WDR70: variants seen among roughly 807,000 people sequenced by gnomAD.
WDR70 encodes WD repeat domain 70.
WDR70 carries 53 observed loss-of-function variants against 88.6 expected under a neutral mutation model. The observed-to-expected ratio is 0.60, with a 90% CI of 0.48 to 0.75. WDR70 has a LOEUF of 0.75. WDR70 is among the 30% of genes least tolerant of loss of function. WDR70 has a pLI of 0.00. For synonymous variants in WDR70, 280 were observed against 270.0 expected, an observed-to-expected ratio of 1.04 and a Z score of -0.36; for missense variants, 610 against 823.2, an observed-to-expected ratio of 0.74 and a Z score of 3.17.
intron 10 of WDR70, among the ~76,000 whole-genome samples, chr5:37,665,019 G>A (rs1042646805): frequency 1.3e-5 from 2 of 152,164 alleles, no homozygotes; most frequent in African/African-American, 4.8e-5. Context: ...TAGGTCTTTT[G>A]TTCATATTGT....
intron 5 of WDR70, among the ~76,000 whole-genome samples, chr5:37,412,680 G>A (rs1749562696): frequency 6.6e-6 from 1 of 152,148 alleles, no homozygotes; most frequent in Admixed American, 6.5e-5. Context: ...TTCTGTGGTG[G>A]GGAGTCCAAG....
chr5:37,483,183 G>A (rs1251100827), intron 8 of WDR70, among the ~76,000 whole-genome samples: 1 of 150,920 alleles, frequency 6.6e-6, no homozygotes, highest in Non-Finnish European at 1.5e-5. Flanking sequence ...GACAATAGTG[G>A]AGGGAAGATC....
intron 9 of WDR70, among the ~76,000 whole-genome samples, chr5:37,591,099 G>A (rs929325707): frequency 8.5e-5 from 13 of 152,118 alleles, no homozygotes; most frequent in Admixed American, 6.5e-4. Context: ...CTGGGAGGCC[G>A]AGGTGGGTGG....
chr5:37,564,575 G>GAGGAGGGAGAGGGAA (rs1335989230), intron 9 of WDR70, among the ~76,000 whole-genome samples: 1 of 147,320 alleles, frequency 6.8e-6, no homozygotes, highest in Non-Finnish European at 1.5e-5. Flanking sequence ...GGGAGAGGGA[G>GAGGAGGGAGAGGGAA]AGGAGGGAGA....
At chr5:37,389,633 C>T (rs1355982428) in intron 3 of WDR70, among the ~76,000 whole-genome samples, 2 of 152,144 alleles carry the variant, frequency 1.3e-5, no homozygotes. Flanking sequence ...AAGATGGTCT[C>T]AATCTCCTGA....
chr5:37,652,725 G>A (rs1457604711), intron 10 of WDR70, among the ~76,000 whole-genome samples: 1 of 152,180 alleles, frequency 6.6e-6, no homozygotes, highest in Non-Finnish European at 1.5e-5. Context: ...GTTCACTCAT[G>A]ATTTGGCTCT....
intron 9 of WDR70, among the ~76,000 whole-genome samples, chr5:37,554,748 C>T (rs866977383): frequency 2.6e-5 from 4 of 151,726 alleles, no homozygotes; most frequent in Admixed American, 6.6e-5. Flanking sequence ...CAGGCTGGAG[C>T]GCAGTGGTTA....
At chr5:37,431,205 G>A (rs1750293301) in intron 5 of WDR70, among the ~76,000 whole-genome samples, 1 of 152,102 alleles carries the variant, frequency 6.6e-6, no homozygotes, top group Non-Finnish European at 1.5e-5. Context: ...CATGAAGGCA[G>A]GAACCTTCTT....
chr5:37,628,269 A>G (rs1744720969), intron 10 of WDR70, among the ~76,000 whole-genome samples: 1 of 152,112 alleles, frequency 6.6e-6, no homozygotes, highest in Non-Finnish European at 1.5e-5. Flanking sequence ...TTCTGCCTAC[A>G]TGACCTTTCC....
chr5:37,713,810 C>T (rs1747582505), intron 13 of WDR70, among the ~76,000 whole-genome samples: 1 of 152,188 alleles, frequency 6.6e-6, no homozygotes, highest in African/African-American at 2.4e-5. Context: ...CACTGATGGA[C>T]CAAGTGAAGG....
At chr5:37,576,223 C>T (rs1475194310) in intron 9 of WDR70, among the ~76,000 whole-genome samples, 1 of 150,458 alleles carries the variant, frequency 6.6e-6, no homozygotes, top group African/African-American at 2.4e-5. Flanking sequence ...TGGCTCCTTC[C>T]TACCTCACTG....
chr5:37,427,331 C>T (rs1035690831), intron 5 of WDR70, among the ~76,000 whole-genome samples: 1 of 151,664 alleles, frequency 6.6e-6, no homozygotes, highest in South Asian at 2.1e-4. Flanking sequence ...GGAGCTTGCA[C>T]TGAGCGGAGA....
chr5:37,608,676 G>C (rs1292623522), intron 10 of WDR70, among the ~76,000 whole-genome samples: 1 of 151,880 alleles, frequency 6.6e-6, no homozygotes, highest in Admixed American at 6.6e-5. Flanking sequence ...TTCTGCTTCA[G>C]CCTCTCGAGT....
chr5:37,575,248 A>C (rs1214224137), intron 9 of WDR70, among the ~76,000 whole-genome samples: 2 of 152,204 alleles, frequency 1.3e-5, no homozygotes, highest in Non-Finnish European at 2.9e-5. Flanking sequence ...ATTTGGTCTC[A>C]GTCCCCAGTT....
At chr5:37,725,695 G>T (rs149709522) in intron 16 of WDR70, among the ~76,000 whole-genome samples, 1 of 151,708 alleles carries the variant, frequency 6.6e-6, no homozygotes, top group East Asian at 1.9e-4. Context: ...TTCTAACACC[G>T]TCCTAACTAA....
At position 37,391,516 on chromosome 5, in the gene WDR70, T is replaced by G. The variant is rs1050490406; in HGVS notation, c.176-484T>G. On this transcript the variant is annotated intron_variant, in intron 3 of 17. Coordinates refer to ENST00000265107, the MANE Select transcript of WDR70 (RefSeq NM_018034.4). ...TAAGTGGCATTATACAATATTCGTCTTTTTGTTTTTCTGTGAGTGGTCTGT... is the reference window on the plus strand; with the variant it reads ...TAAGTGGCATTATACAATATTCGTCGTTTTGTTTTTCTGTGAGTGGTCTGT... Among the ~76,000 whole-genome samples the G allele has an allele frequency of 4.6e-5, 7 of 152,354 alleles. No homozygotes were observed. The South Asian group carries it at 1.2e-3, about 27-fold the overall frequency.
intron 7 of WDR70, among the ~76,000 whole-genome samples, chr5:37,466,705 CAAAAAAAAAAAAAAA>C (rs796359494): frequency 1.5e-5 from 1 of 65,530 alleles, no homozygotes; most frequent in Non-Finnish European, 2.6e-5. Flanking sequence ...GACTCCATCT[CAAAAAAAAAAAAAAA>C]AAAAAAAAAA....
rs1015112320 is a variant in WDR70, at chr5:37,396,695, T to C, written c.492+125T>C. 6 of 1,405,110 alleles carry C rather than the reference T, an allele frequency of 4.3e-6. No individual in the cohort carries two copies. The Admixed American group carries it at 1.7e-4, about 40-fold the overall frequency. 87.0% of individuals were successfully genotyped at this position (1,405,110 alleles called of 1,614,324 possible). Reference sequence around the variant, plus strand: ...AAAACTGAGGAAAGGCCGGGCATGGTGGCTTAACACCTGTAATCCCAGTTA... The same window carrying C: ...AAAACTGAGGAAAGGCCGGGCATGGCGGCTTAACACCTGTAATCCCAGTTA... On this transcript the variant is annotated intron_variant, in intron 5 of 17. Transcript: ENST00000265107.
chr5:37,410,190 TTAG>T (rs1246972736), intron 5 of WDR70, among the ~76,000 whole-genome samples: 1 of 149,280 alleles, frequency 6.7e-6, no homozygotes, highest in East Asian at 1.9e-4. Flanking sequence ...TTGGAGTTTG[TTAG>T]TTTTTTTTTT....
Sources: gnomAD v4.1 joint callset for allele counts (sites outside exome capture counted in the v4.1 genomes callset) on GRCh38, gnomAD v4.1.1 for gene constraint, MANE v1.5 for transcripts, NCBI Gene and HGNC (gene_info 2026-07-23, HGNC 2026-07-21) for gene names.